Variants in DNAH10 observed in about 807,000 individuals in gnomAD.
The protein encoded by DNAH10 is dynein axonemal heavy chain 10, also known as axonemal beta dynein heavy chain 10.
Under a neutral mutation model 506.6 loss-of-function variants are expected in DNAH10, and 348 were observed. That is an observed-to-expected ratio of 0.69 (90% CI 0.63 to 0.75). The LOEUF is 0.75. Ranked by LOEUF, DNAH10 falls within the 30% of genes least tolerant of loss-of-function variation. DNAH10 has a pLI of 0.00. For synonymous variants in DNAH10, 2,059 were observed against 2,198.6 expected (o/e 0.94, Z 1.78); for missense variants, 5,179 against 5,787.1 (o/e 0.89, Z 3.41).
chr12:123,803,964 C>T, intron 17 of DNAH10, 139 bp downstream of exon 17: 1 of 775,340 alleles, frequency 1.3e-6, no homozygotes, highest in Non-Finnish European at 1.9e-6. Flanking sequence ...ATTTCTAATG[C>T]TCTCAGTCAT....
intron 52 of DNAH10, among the ~76,000 whole-genome samples, chr12:123,890,421 T>C (rs1345649731): frequency 6.0e-5 from 9 of 150,182 alleles, no homozygotes; most frequent in African/African-American, 2.2e-4. Context: ...CAGATGCATC[T>C]CACCACAACC....
intron 18 of DNAH10, among the ~76,000 whole-genome samples, chr12:123,807,519 G>A (rs1174898004): frequency 1.3e-5 from 2 of 152,100 alleles, no homozygotes; most frequent in Non-Finnish European, 2.9e-5. Flanking sequence ...GAGCTTTCTG[G>A]GGGAAGCCAA....
At position 123,913,341 on chromosome 12, in the gene DNAH10, G is replaced by A; in HGVS notation, c.10352+26G>A. On this transcript the variant is annotated intron_variant, in intron 60 of 78. Coordinates refer to ENST00000673944, the MANE Select transcript of DNAH10 (RefSeq NM_001372106.1). This position sits in a 1 kb window ranked among gnomAD's most constrained non-coding sequence, Gnocchi z 5.1. ...GTTAGCGCTGCTCACGAGCCCACCT[G>A]TTGCGGTTTGTAAACGGACGTCACC... is the stretch of plus-strand genomic sequence containing the variant. 1 of 1,542,980 alleles carries A rather than the reference G, an allele frequency of 6.5e-7. No homozygotes were observed. Among genetic ancestry groups the A allele is most frequent in the South Asian group, 1.2e-5 (1 of 83,388 alleles).
chr12:123,789,200 G>A (rs1957983816), intron 10 of DNAH10, among the ~76,000 whole-genome samples: 1 of 151,700 alleles, frequency 6.6e-6, no homozygotes, highest in Non-Finnish European at 1.5e-5. Flanking sequence ...GTGAGCTATT[G>A]TGCCACTGCA....
rs933059377 is a variant in DNAH10, at chr12:123,881,639, G to A, written c.8649G>A (p.Glu2883=). The change falls in exon 51 of 79, where the codon GAG becomes GAA. Residue 2883 remains glutamate, a synonymous_variant. Transcript: ENST00000673944. ...AKALFQEILE[E]YNESNTKMNL... Reference sequence around the variant, plus strand: ...TTTAAATGCAGGAAATTCTTGAAGAGTATAATGAAAGCAACACCAAAATGA... The same window carrying A: ...TTTAAATGCAGGAAATTCTTGAAGAATATAATGAAAGCAACACCAAAATGA... 21 of 1,535,990 alleles carry A rather than the reference G, an allele frequency of 1.4e-5. No individual in the cohort carries two copies. The highest frequency in any genetic ancestry group is 2.8e-5 in the African/African-American group (2 of 71,850).
chr12:123,860,979 C>T (rs1443994203), intron 38 of DNAH10, 33 bp from the exon 39 acceptor site: 4 of 1,613,776 alleles, frequency 2.5e-6, no homozygotes, highest in African/African-American at 2.7e-5. Context: ...ATTTAGTTGT[C>T]TTGAACCATG....
At chr12:123,794,780 G>C (rs1958212814) in intron 12 of DNAH10, among the ~76,000 whole-genome samples, 1 of 151,406 alleles carries the variant, frequency 6.6e-6, no homozygotes, top group Non-Finnish European at 1.5e-5. Context: ...AATGGAGGTT[G>C]AGGCTGCAGT....
chr12:123,892,995 G>T (rs12309961), intron 52 of DNAH10, among the ~76,000 whole-genome samples: 1 of 152,316 alleles, frequency 6.6e-6, no homozygotes, highest in Non-Finnish European at 1.5e-5. Context: ...TGATGCTCAC[G>T]GTCATCCTCC....
chr12:123,867,908 C>G lies in DNAH10; in HGVS notation c.7308C>G (p.Thr2436=), dbSNP rs774286721. The G allele has an allele frequency of 6.2e-7, 1 of 1,612,866 alleles. No homozygotes were observed. Among genetic ancestry groups the G allele is most frequent in the Non-Finnish European group, 8.5e-7 (1 of 1,179,412 alleles). The change falls in exon 43 of 79, where the codon ACC becomes ACG. Residue 2436 remains threonine, a synonymous_variant. Transcript: ENST00000673944. ...GATATTTTCCTGTGAACCAGGTAAC[C>G]CAGTTAGCCAAGATGTTGGATGCGT... ...IVPQTDLNMV[T]QLAKMLDALL...
At chr12:123,827,455 T>A (rs936044155) in intron 25 of DNAH10, among the ~76,000 whole-genome samples, 4 of 152,226 alleles carry the variant, frequency 2.6e-5, no homozygotes, top group Admixed American at 2.0e-4. Flanking sequence ...CCGTTTCAAG[T>A]GCTCCATAGA....
At chr12:123,794,440 C>G (rs1314725238) in intron 12 of DNAH10, among the ~76,000 whole-genome samples, 1 of 152,208 alleles carries the variant, frequency 6.6e-6, no homozygotes, top group Non-Finnish European at 1.5e-5. Flanking sequence ...AACAATTTAT[C>G]TGGTGCTCAC....
chr12:123,785,799 G>A lies in DNAH10; in HGVS notation c.1284G>A (p.Met428Ile), dbSNP rs1157638282. 3.7e-6 allele frequency: 6 copies of A among 1,614,034 alleles called. No homozygotes were observed. The highest frequency in any genetic ancestry group is 5.1e-6 in the Non-Finnish European group (6 of 1,180,022). Residue 428 changes from methionine to isoleucine, a missense_variant, in exon 9 of 79, where the codon ATG (methionine) becomes ATA (isoleucine). By Grantham distance (10) the Met-to-Ile change is conservative. Coordinates refer to ENST00000673944, the MANE Select transcript of DNAH10 (RefSeq NM_001372106.1). This position sits in a 1 kb window ranked among gnomAD's most constrained non-coding sequence, Gnocchi z 4.1. ...TGGTCCTGGACACCATCCCCGCCAT[G>A]ATGAGTGCCCTGCGGATGGTGTGGA... ...FHVVLDTIPA[M>I]MSALRMVWII...
At chr12:123,814,206 A>C (rs1054654827) in intron 21 of DNAH10, 1 of 219,754 alleles carries the variant, frequency 4.6e-6, no homozygotes, top group Admixed American at 5.6e-5. Flanking sequence ...GAGCTCTTGC[A>C]AAAATGATAA....
chr12:123,909,436 A>T lies in DNAH10; in HGVS notation c.9991A>T (p.Ile3331Phe), dbSNP rs1422352008. Residue 3331 changes from isoleucine to phenylalanine, a missense_variant, in exon 58 of 79, where the codon ATC becomes TTC. Ile to Phe is a conservative substitution (Grantham distance 21). Around this residue, in one of 3 missense-constraint regions of DNAH10, gnomAD observed 4,844 missense variants for 5,430.5 expected, o/e 0.89. Transcript: ENST00000673944. The surrounding 1 kb of genome is among the most constrained non-coding windows in gnomAD (Gnocchi z 5.4). ...DSITQSQVKN[I>F]KGLLKTLNTT... is the part of the protein sequence containing the mutation. ...GATTACCCAGAGCCAAGTGAAAAACATCAAAGGTGAGTGTAGCCACGTGTG... is the reference window on the plus strand; with the variant it reads ...GATTACCCAGAGCCAAGTGAAAAACTTCAAAGGTGAGTGTAGCCACGTGTG... 6.3e-7 allele frequency: 1 copy of T among 1,589,058 alleles called. No individual in the cohort carries two copies. Among genetic ancestry groups the T allele is most frequent in the Non-Finnish European group, 8.6e-7 (1 of 1,166,238 alleles).
In DNAH10 at chr12:123,803,666, G is replaced by A. The variant is rs77726895; in HGVS notation, c.2620G>A (p.Gly874Ser). ...KRLNWNSLGI[G>S]DYITGCKQAI... ...CTTTCTTTCTTTCTTCAAAGGTATC[G>A]GTGACTATATAACTGGTTGCAAACA... Residue 874 changes from glycine (G) to serine (S), a missense_variant, in exon 17 of 79, where the codon GGT becomes AGT. Gly to Ser is a moderately conservative substitution (Grantham distance 56). Around this residue, in one of 3 missense-constraint regions of DNAH10, gnomAD observed 4,844 missense variants for 5,430.5 expected, o/e 0.89. Transcript: ENST00000673944. 5,738 of 1,567,652 alleles carry A rather than the reference G, an allele frequency of 3.7e-3. 165 individuals are homozygous for A. In the African/African-American group the frequency reaches 0.063, roughly 17 times the overall value.
At position 123,916,610 on chromosome 12, in the gene DNAH10, T is replaced by C. The variant is rs1176632724; in HGVS notation, c.10876T>C (p.Phe3626Leu). Reference sequence around the variant, plus strand: ...TATAAAAGTCTCCCAAGGACGGCAGTTTATTATCCTGGGAGACAAGGAAGT... The same window carrying C: ...TATAAAAGTCTCCCAAGGACGGCAGCTTATTATCCTGGGAGACAAGGAAGT... Reference protein sequence around the residue: ...KNIKVSQGRQFIILGDKEVDY... With the variant: ...KNIKVSQGRQLIILGDKEVDY... The change falls in exon 63 of 79, where the codon TTT becomes CTT. Residue 3626 changes from phenylalanine to leucine, a missense_variant. Phe to Leu is a conservative substitution (Grantham distance 22, BLOSUM62 0). Around this residue, in one of 3 missense-constraint regions of DNAH10, gnomAD observed 4,844 missense variants for 5,430.5 expected, o/e 0.89. Coordinates refer to ENST00000673944, the MANE Select transcript of DNAH10 (RefSeq NM_001372106.1). This position sits in a 1 kb window ranked among gnomAD's most constrained non-coding sequence, Gnocchi z 4.6. 1.2e-6 allele frequency: 2 copies of C among 1,613,744 alleles called. No homozygotes were observed. Among genetic ancestry groups the C allele is most frequent in the Non-Finnish European group, 1.7e-6 (2 of 1,179,876 alleles).
At chr12:123,782,183 A>G (rs1379732617) in intron 6 of DNAH10, among the ~76,000 whole-genome samples, 1 of 151,780 alleles carries the variant, frequency 6.6e-6, no homozygotes, top group Non-Finnish European at 1.5e-5. Flanking sequence ...CAGCTATTAT[A>G]TTTTTAATTT....
In DNAH10 at chr12:123,879,351, G is replaced by A. The variant is rs1952398252; in HGVS notation, c.8460G>A (p.Lys2820=). Residue 2820 remains lysine, a synonymous_variant, in exon 49 of 79, where the codon AAG becomes AAA. Coordinates refer to ENST00000673944, the MANE Select transcript of DNAH10 (RefSeq NM_001372106.1). ...ACCGGCTGATCAGTGAAACAGACAAGCAGCTGGTCAGTACATCCAATGCTT... is the reference window on the plus strand; with the variant it reads ...ACCGGCTGATCAGTGAAACAGACAAACAGCTGGTCAGTACATCCAATGCTT... ...FHDRLISETD[K]QLVQQHIGSL... 1 of 1,564,520 alleles carries A rather than the reference G, an allele frequency of 6.4e-7. No homozygotes were observed. The highest frequency in any genetic ancestry group is 1.4e-5 in the African/African-American group (1 of 73,760).
intron 70 of DNAH10, 71 bp from the exon 71 acceptor site, chr12:123,929,204 G>C: frequency 6.8e-7 from 1 of 1,465,468 alleles, no homozygotes; most frequent in Non-Finnish European, 9.3e-7. Flanking sequence ...CGCAGTGCCT[G>C]CATTGTGCAC....
Sources: allele counts gnomAD v4.1 joint callset (sites outside exome capture counted in the v4.1 genomes callset), GRCh38; gene constraint gnomAD v4.1.1; regional missense constraint gnomAD v4.1.1; non-coding constraint Gnocchi (gnomAD v3.1); transcripts MANE v1.5; gene names NCBI Gene and HGNC (gene_info 2026-07-23, HGNC 2026-07-21).